ZFPM1: variants seen among roughly 807,000 people sequenced by gnomAD.
The protein encoded by ZFPM1 is zinc finger protein ZFPM1.
A neutral mutation model predicts 46.3 loss-of-function variants in ZFPM1; 28 were observed. That is an observed-to-expected ratio of 0.60 (90% CI 0.45 to 0.83). ZFPM1 has a LOEUF of 0.83. Ranked by LOEUF, ZFPM1 falls within the 40% of genes least tolerant of loss-of-function variation. ZFPM1 has a pLI of 0.00. For missense variants in ZFPM1, 1,878 were observed against 1,432.4 expected (o/e 1.31, Z -5.02); for synonymous variants, 957 against 675.9 (o/e 1.42, Z -6.45).
intron 1 of ZFPM1, among the ~76,000 whole-genome samples, chr16:88,485,530 C>T (rs1468844977): frequency 4.0e-5 from 6 of 151,710 alleles, no homozygotes; most frequent in African/African-American, 1.2e-4. Context: ...GCCTCCAACT[C>T]CCAGTCTCAA....
At position 88,489,040 on chromosome 16, in the gene ZFPM1, C is replaced by T; in HGVS notation, c.155C>T (p.Ser52Leu). 2 of 1,612,600 alleles carry T rather than the reference C, an allele frequency of 1.2e-6. No homozygotes were observed. Among genetic ancestry groups the T allele is most frequent in the Non-Finnish European group, 1.7e-6 (2 of 1,179,486 alleles). ...APSPPSADVN[S>L]PPPLPPPTSP... Reference sequence around the variant, plus strand: ...GTTTTCCTCTCTGCAGATGTTAACTCACCCCCACCGCTGCCGCCCCCCACA... The same window carrying T: ...GTTTTCCTCTCTGCAGATGTTAACTTACCCCCACCGCTGCCGCCCCCCACA... Residue 52 changes from serine (S) to leucine (L), a missense_variant, in exon 3 of 10, where the codon TCA becomes TTA. Transcript: ENST00000319555.
intron 1 of ZFPM1, among the ~76,000 whole-genome samples, chr16:88,478,864 T>A (rs1908801337): frequency 6.6e-6 from 1 of 152,088 alleles, no homozygotes; most frequent in African/African-American, 2.4e-5. Flanking sequence ...AGGTGACAAA[T>A]GCTACTCGAG....
At chr16:88,507,396 C>G (rs1910720939) in intron 3 of ZFPM1, among the ~76,000 whole-genome samples, 1 of 152,188 alleles carries the variant, frequency 6.6e-6, no homozygotes, top group South Asian at 2.1e-4. Flanking sequence ...GGGCTGGAGT[C>G]AAGCCTGGGT....
At chr16:88,472,829 C>T (rs1484836652) in intron 1 of ZFPM1, among the ~76,000 whole-genome samples, 2 of 152,266 alleles carry the variant, frequency 1.3e-5, no homozygotes, top group African/African-American at 2.4e-5. Context: ...CACCCTTGCC[C>T]CAGCCCCACT....
In ZFPM1 at chr16:88,532,040, C is replaced by T. The variant is rs1912822813; in HGVS notation, c.751C>T (p.Arg251Cys). The change falls in exon 7 of 10, where the codon CGC becomes TGC. Residue 251 changes from arginine to cysteine, a missense_variant. By Grantham distance (180) the Arg-to-Cys change is radical. Transcript: ENST00000319555. ...CTGCAAGGACTGTGGCATCTGGTAC[C>T]GCAGCGAGCGCAACCTGCAGGCGCA... ...FPCKDCGIWY[R>C]SERNLQAHLL... The T allele has an allele frequency of 2.5e-6, 4 of 1,611,718 alleles. No homozygotes were observed. Among genetic ancestry groups the T allele is most frequent in the Non-Finnish European group, 2.5e-6 (3 of 1,179,186 alleles).
Position 88,497,959 on chromosome 16 carries a change from G to A in ZFPM1, c.268+8806G>A, listed in dbSNP as rs184626408. Among the ~76,000 whole-genome samples, 6 of 152,328 alleles carry A rather than the reference G, an allele frequency of 3.9e-5. No homozygotes were observed. Among genetic ancestry groups the A allele is most frequent in the Non-Finnish European group, 8.8e-5 (6 of 68,016 alleles). ...ACAGCAGGGAGATGGGCCGATAGGC[G>A]ACTGGCTCCCTCCCCACCCGGTGTG... On this transcript the variant is annotated intron_variant, in intron 3 of 9. Transcript: ENST00000319555. The surrounding 1 kb of genome is among the most constrained non-coding windows in gnomAD (Gnocchi z 5.4).
intron 1 of ZFPM1, among the ~76,000 whole-genome samples, chr16:88,472,552 C>T (rs771430704): frequency 3.8e-4 from 58 of 152,092 alleles, no homozygotes; most frequent in Non-Finnish European, 6.5e-4. Flanking sequence ...CGGGGTTTCA[C>T]CCTGTTGGCC....
intron 3 of ZFPM1, among the ~76,000 whole-genome samples, chr16:88,508,549 C>T (rs1168484374): frequency 2.0e-5 from 3 of 152,346 alleles, no homozygotes; most frequent in African/African-American, 4.8e-5. Context: ...CCCATCCCGA[C>T]GCTCACTCTG....
At chr16:88,456,272 G>T (rs1267951533) in intron 1 of ZFPM1, among the ~76,000 whole-genome samples, 1 of 152,258 alleles carries the variant, frequency 6.6e-6, no homozygotes, top group African/African-American at 2.4e-5. Context: ...CGTAGATGGT[G>T]CGAGACCGCT....
intron 3 of ZFPM1, among the ~76,000 whole-genome samples, chr16:88,510,233 C>T (rs1486753073): frequency 6.6e-6 from 1 of 152,150 alleles, no homozygotes; most frequent in African/African-American, 2.4e-5. Flanking sequence ...CAGGACTTGG[C>T]CCCAGGCCTG....
chr16:88,530,166 G>A (rs1011796845), intron 6 of ZFPM1, among the ~76,000 whole-genome samples: 6 of 152,178 alleles, frequency 3.9e-5, no homozygotes, highest in Admixed American at 3.9e-4. Flanking sequence ...GGGGTGCCCG[G>A]GAGACCCAAC....
intron 3 of ZFPM1, among the ~76,000 whole-genome samples, chr16:88,501,883 C>T (rs1910363244): frequency 6.6e-6 from 1 of 152,056 alleles, no homozygotes; most frequent in Admixed American, 6.5e-5. Context: ...AACCCCAGCC[C>T]GCGAGGGGGC....
At chr16:88,455,604 G>A (rs1364629570) in intron 1 of ZFPM1, among the ~76,000 whole-genome samples, 2 of 151,752 alleles carry the variant, frequency 1.3e-5, no homozygotes, top group Admixed American at 6.5e-5. Flanking sequence ...GAGCGGAGGG[G>A]GCCGAGCGCT....
chr16:88,462,999 C>T (rs1907969086), intron 1 of ZFPM1, among the ~76,000 whole-genome samples: 1 of 152,304 alleles, frequency 6.6e-6, no homozygotes, highest in Non-Finnish European at 1.5e-5. Context: ...TGACGTCCCT[C>T]AGGTGTCTCT....
In ZFPM1 at chr16:88,536,962, A is replaced by G. The variant is rs1239925210; in HGVS notation, c.*1983A>G. 1.3e-5 allele frequency: 2 copies of G among 152,100 alleles called. No homozygotes were observed. Among genetic ancestry groups the G allele is most frequent in the Non-Finnish European group, 2.9e-5 (2 of 68,020 alleles). 9.4% of individuals were successfully genotyped at this position (152,100 alleles called of 1,614,324 possible). On this transcript the variant is annotated 3_prime_UTR_variant, in exon 10 of 10. Transcript: ENST00000319555. ...GTACAAGATGTTCTAAAAAATAGAA[A>G]CCTGGTGGGGGGTTGTCACTGTGTG...
chr16:88,471,422 G>T lies in ZFPM1; in HGVS notation c.41-14517G>T, dbSNP rs575616416. Among the ~76,000 whole-genome samples the T allele has an allele frequency of 2.0e-5, 3 of 150,976 alleles. No homozygotes were observed. Among genetic ancestry groups the T allele is most frequent in the Admixed American group, 6.6e-5 (1 of 15,208 alleles). ...AGTGGCTCCCACGCATAGTGGGGGG[G>T]CCAAGACCCCAAGATGACCATGGCT... is the stretch of plus-strand genomic sequence containing the variant. On this transcript the variant is annotated intron_variant, in intron 1 of 9. Transcript: ENST00000319555. This position sits in a 1 kb window ranked among gnomAD's most constrained non-coding sequence, Gnocchi z 4.1.
intron 4 of ZFPM1, chr16:88,516,513 T>G (rs1406921219): frequency 5.0e-6 from 2 of 398,508 alleles, no homozygotes; most frequent in Non-Finnish European, 8.8e-6. Context: ...CTCCTCTGCT[T>G]TATCTCCTGC....
chr16:88,501,903 G>A lies in ZFPM1; in HGVS notation c.269-12484G>A, dbSNP rs557116821. On this transcript the variant is annotated intron_variant, in intron 3 of 9. Transcript: ENST00000319555. ...CAGCCCGCGAGGGGGCTCCTGGGCCGATGAGCAAACTGAGGCCCAGTGAGT... is the reference window on the plus strand; with the variant it reads ...CAGCCCGCGAGGGGGCTCCTGGGCCAATGAGCAAACTGAGGCCCAGTGAGT... 2.8e-4 allele frequency among the ~76,000 whole-genome samples: 43 copies of A among 152,152 alleles called. No homozygotes were observed. The South Asian group carries it at 3.3e-3, about 12-fold the overall frequency.
rs569728889 is a variant in ZFPM1, at chr16:88,469,331, C to T, written c.40+15653C>T. On this transcript the variant is annotated intron_variant, in intron 1 of 9. Coordinates refer to ENST00000319555, the MANE Select transcript of ZFPM1 (RefSeq NM_153813.3). The surrounding 1 kb of genome is among the most constrained non-coding windows in gnomAD (Gnocchi z 4.3). ...CCCTCAGCCTCCCCATCTGTAAAAC[C>T]GGAAGGCGGTCTAGTAGGTCTGCCT... Among the ~76,000 whole-genome samples the T allele has an allele frequency of 3.3e-5, 5 of 152,352 alleles. No homozygotes were observed. Among genetic ancestry groups the T allele is most frequent in the East Asian group, 1.9e-4 (1 of 5,188 alleles).
Sources: allele counts gnomAD v4.1 joint callset (sites outside exome capture counted in the v4.1 genomes callset), GRCh38; gene constraint gnomAD v4.1.1; non-coding constraint Gnocchi (gnomAD v3.1); transcripts MANE v1.5; gene names NCBI Gene and HGNC (gene_info 2026-07-23, HGNC 2026-07-21).